Variants in PPFIBP1 observed in about 807,000 individuals in gnomAD.
PPFIBP1 encodes the protein liprin-beta-1.
In PPFIBP1, 112 loss-of-function variants were observed where a neutral mutation model predicts 137.8. The observed-to-expected ratio is 0.81, with a 90% CI of 0.70 to 0.95. The LOEUF is 0.95. Ranked by LOEUF, PPFIBP1 falls within the 40% of genes least tolerant of loss-of-function variation. The pLI, the probability that PPFIBP1 is intolerant of heterozygous loss-of-function variation, is 0.00. For synonymous variants in PPFIBP1, 378 were observed against 417.3 expected (o/e 0.91, Z 1.15); for missense variants, 1,083 against 1,196.6 (o/e 0.91, Z 1.40).
chr12:27,596,736 C>T (rs1337525992), intron 2 of PPFIBP1, among the ~76,000 whole-genome samples: 1 of 152,102 alleles, frequency 6.6e-6, no homozygotes, highest in Non-Finnish European at 1.5e-5. Context: ...TTGTACTAAG[C>T]ACTTTATATG....
chr12:27,632,547 T>C (rs141681802), intron 2 of PPFIBP1, among the ~76,000 whole-genome samples: 3 of 152,174 alleles, frequency 2.0e-5, no homozygotes, highest in South Asian at 4.1e-4. Context: ...AATGAGTAGA[T>C]TGTGATGTAA....
chr12:27,665,657 CATAA>C (rs544095632), intron 12 of PPFIBP1, among the ~76,000 whole-genome samples: 93 of 152,236 alleles, frequency 6.1e-4, no homozygotes, highest in African/African-American at 2.2e-3. Flanking sequence ...TTTAGCAATG[CATAA>C]ATAGAGTTAT....
chr12:27,669,839 GCTTA>G (rs1385444186), intron 13 of PPFIBP1, among the ~76,000 whole-genome samples: 1 of 152,218 alleles, frequency 6.6e-6, no homozygotes, highest in Non-Finnish European at 1.5e-5. Context: ...TGAATGTATT[GCTTA>G]CTTAAGTAAG....
At chr12:27,581,008 C>T (rs1409168935) in intron 2 of PPFIBP1, among the ~76,000 whole-genome samples, 2 of 151,940 alleles carry the variant, frequency 1.3e-5, no homozygotes, top group African/African-American at 2.4e-5. Flanking sequence ...GATCCTCCCA[C>T]GTCAGTCTCC....
At chr12:27,657,969 A>G (rs867422654) in intron 9 of PPFIBP1, among the ~76,000 whole-genome samples, 1 of 151,798 alleles carries the variant, frequency 6.6e-6, no homozygotes, top group African/African-American at 2.4e-5. Flanking sequence ...TAAGATTTGA[A>G]ATTTTTAAAT....
rs912125701 is a variant in PPFIBP1 at position 27,635,304 on chromosome 12, T to C, written c.270+189T>C. ...TTTTAAAAAGTGCTATTAGTGTACA[T>C]TTTGTAAATACCAACAACAGGTCAC... On this transcript the variant is annotated intron_variant, in intron 4 of 29. Coordinates refer to ENST00000228425, the MANE Select transcript of PPFIBP1 (RefSeq NM_003622.4). 11 of 626,208 alleles carry C rather than the reference T, an allele frequency of 1.8e-5. No homozygotes were observed. The African/African-American group carries it at 2.0e-4, about 12-fold the overall frequency. 38.8% of individuals were successfully genotyped at this position (626,208 alleles called of 1,614,324 possible).
intron 2 of PPFIBP1, chr12:27,593,297 T>C (rs2052760489): frequency 3.2e-6 from 1 of 317,432 alleles, no homozygotes. Context: ...CTCCCACTGG[T>C]ATCACTTCGG....
chr12:27,674,234 C>T lies in PPFIBP1; in HGVS notation c.1410+13C>T. On this transcript the variant is annotated intron_variant, in intron 17 of 29. Transcript: ENST00000228425. ...GAAGACTTCAGAGGTAACTTTTTGT[C>T]CAAATTACAATGCAAAAATATTTCT... The T allele has an allele frequency of 3.2e-6, 5 of 1,577,882 alleles. No homozygotes were observed. The highest frequency in any genetic ancestry group is 3.5e-6 in the Non-Finnish European group (4 of 1,157,662).
intron 4 of PPFIBP1, among the ~76,000 whole-genome samples, chr12:27,638,709 G>A (rs1042159428): frequency 6.6e-6 from 1 of 152,158 alleles, no homozygotes; most frequent in African/African-American, 2.4e-5. Flanking sequence ...GTTGCAATGG[G>A]AGTTAGGTTA....
chr12:27,625,556 A>G (rs536531861), intron 2 of PPFIBP1, among the ~76,000 whole-genome samples: 21 of 150,396 alleles, frequency 1.4e-4, no homozygotes, highest in African/African-American at 4.6e-4. Flanking sequence ...CATCCATTCT[A>G]TACTTATTTT....
chr12:27,659,002 G>A (rs1449534219), intron 10 of PPFIBP1, among the ~76,000 whole-genome samples, 154 bp downstream of exon 10: 1 of 152,100 alleles, frequency 6.6e-6, no homozygotes, highest in African/African-American at 2.4e-5. Flanking sequence ...CACAATAGAG[G>A]GTGGATAATA....
intron 6 of PPFIBP1, among the ~76,000 whole-genome samples, chr12:27,649,803 C>T (rs771738129): frequency 8.5e-5 from 13 of 152,156 alleles, no homozygotes; most frequent in Admixed American, 6.5e-4. Flanking sequence ...CTGCCTGCCT[C>T]GGCCTCCCAA....
At chr12:27,619,607 A>G (rs1234264082) in intron 2 of PPFIBP1, among the ~76,000 whole-genome samples, 1 of 152,242 alleles carries the variant, frequency 6.6e-6, no homozygotes, top group Non-Finnish European at 1.5e-5. Context: ...TAGTTGCCTC[A>G]GTAAATGGCC....
At chr12:27,661,919 TA>T (rs886554487) in intron 11 of PPFIBP1, among the ~76,000 whole-genome samples, 1 of 151,174 alleles carries the variant, frequency 6.6e-6, no homozygotes. Flanking sequence ...CACTATTGAA[TA>T]AAAAAAAAGT....
At chr12:27,543,748 A>G (rs1945914462) in intron 1 of PPFIBP1, among the ~76,000 whole-genome samples, 1 of 152,194 alleles carries the variant, frequency 6.6e-6, no homozygotes, top group Non-Finnish European at 1.5e-5. Flanking sequence ...GCTAAATCTT[A>G]TAACGTTTGC....
At chr12:27,548,297 G>A (rs1946423932) in intron 1 of PPFIBP1, 1 of 152,194 alleles carries the variant, frequency 6.6e-6, no homozygotes, top group Non-Finnish European at 1.5e-5. Flanking sequence ...AGTGAGTGAG[G>A]CACACAAACT....
intron 2 of PPFIBP1, among the ~76,000 whole-genome samples, chr12:27,578,731 G>A (rs1374235438): frequency 6.6e-6 from 1 of 152,180 alleles, no homozygotes; most frequent in East Asian, 1.9e-4. Flanking sequence ...TATTTATTGA[G>A]CTTCTACCAA....
At chr12:27,648,279 A>C (rs1056986169) in intron 6 of PPFIBP1, among the ~76,000 whole-genome samples, 2 of 152,196 alleles carry the variant, frequency 1.3e-5, no homozygotes, top group Non-Finnish European at 2.9e-5. Context: ...AGAGAAATGC[A>C]AATCAAAACT....
chr12:27,686,687 G>A (rs924960353), intron 24 of PPFIBP1, among the ~76,000 whole-genome samples: 1 of 152,170 alleles, frequency 6.6e-6, no homozygotes, highest in Non-Finnish European at 1.5e-5. Context: ...TCAGGGAATA[G>A]TATAATAAGA....
Sources: allele counts gnomAD v4.1 joint callset (sites outside exome capture counted in the v4.1 genomes callset), GRCh38; gene constraint gnomAD v4.1.1; transcripts MANE v1.5; gene names NCBI Gene and HGNC (gene_info 2026-07-23, HGNC 2026-07-21).